Variants in PTPN13 observed in about 807,000 individuals in gnomAD.
PTPN13 encodes protein tyrosine phosphatase non-receptor type 13, also known as tyrosine-protein phosphatase non-receptor type 13.
In PTPN13, 191 loss-of-function variants were observed where a neutral mutation model predicts 284.0. The ratio of observed to expected loss-of-function variants is 0.67; its 90% CI spans 0.60 to 0.76. The LOEUF (loss-of-function observed/expected upper bound fraction) is 0.76, where lower values mean the gene tolerates loss of function less well. Ranked by LOEUF, PTPN13 falls within the 30% of genes least tolerant of loss-of-function variation. The pLI is 0.00. For missense variants in PTPN13, 2,797 were observed against 2,939.9 expected (o/e 0.95, Z 1.12); for synonymous variants, 986 against 1,022.3 (o/e 0.96, Z 0.68).
intron 4 of PTPN13, among the ~76,000 whole-genome samples, chr4:86,687,224 CAT>C (rs1729551056): frequency 6.6e-6 from 1 of 152,128 alleles, no homozygotes; most frequent in South Asian, 2.1e-4. Context: ...TAGAGAATGT[CAT>C]AGCTTTTTCT....
intron 2 of PTPN13, among the ~76,000 whole-genome samples, chr4:86,656,598 A>C (rs1221493391): frequency 6.6e-6 from 1 of 152,158 alleles, no homozygotes; most frequent in East Asian, 1.9e-4. Flanking sequence ...TTTGTCTGAG[A>C]GGAGTACCCG....
intron 1 of PTPN13, among the ~76,000 whole-genome samples, chr4:86,611,887 C>A (rs1719927154): frequency 6.6e-6 from 1 of 152,108 alleles, no homozygotes; most frequent in Non-Finnish European, 1.5e-5. Flanking sequence ...CAGGAAAGGA[C>A]CAGAGGCCTG....
At chr4:86,762,482 G>A (rs1364327222) in intron 23 of PTPN13, among the ~76,000 whole-genome samples, 1 of 152,184 alleles carries the variant, frequency 6.6e-6, no homozygotes, top group Non-Finnish European at 1.5e-5. Flanking sequence ...GAGAAGCCTG[G>A]TTTGAAATGG....
intron 23 of PTPN13, among the ~76,000 whole-genome samples, chr4:86,761,215 C>T (rs1432469437): frequency 6.8e-6 from 1 of 147,184 alleles, no homozygotes; most frequent in African/African-American, 2.5e-5. Flanking sequence ...CTGTTTTATA[C>T]TCTAAATACC....
intron 2 of PTPN13, among the ~76,000 whole-genome samples, chr4:86,659,908 A>T (rs968276937): frequency 9.9e-5 from 15 of 152,162 alleles, no homozygotes; most frequent in Non-Finnish European, 2.1e-4. Flanking sequence ...GAATGTACAG[A>T]TAGAATTTGA....
chr4:86,785,743 A>G (rs1352842952), intron 39 of PTPN13, 105 bp from the exon 40 acceptor site: 2 of 546,526 alleles, frequency 3.7e-6, no homozygotes, highest in Non-Finnish European at 6.1e-6. Context: ...GAAACTATTT[A>G]TGGATATTGG....
chr4:86,656,635 A>G (rs923214886), intron 2 of PTPN13, among the ~76,000 whole-genome samples: 2 of 152,074 alleles, frequency 1.3e-5, no homozygotes, highest in African/African-American at 2.4e-5. Context: ...GTCTGCCCCT[A>G]CTGGAGGGTG....
intron 1 of PTPN13, among the ~76,000 whole-genome samples, chr4:86,627,387 C>T (rs1336124525): frequency 1.3e-5 from 2 of 151,994 alleles, no homozygotes; most frequent in East Asian, 3.8e-4. Context: ...ATTATTATTT[C>T]TTAAAAAGCA....
At chr4:86,652,217 A>G (rs887459020) in intron 2 of PTPN13, among the ~76,000 whole-genome samples, 11 of 152,012 alleles carry the variant, frequency 7.2e-5, no homozygotes, top group African/African-American at 2.2e-4. Flanking sequence ...TTGGTTTGCT[A>G]TTGCTTTCTC....
intron 1 of PTPN13, among the ~76,000 whole-genome samples, chr4:86,596,118 A>T (rs1763756602): frequency 6.6e-6 from 1 of 152,172 alleles, no homozygotes; most frequent in Non-Finnish European, 1.5e-5. Context: ...ATTGTGTTCT[A>T]CTTGATGTTC....
chr4:86,783,393 T>C (rs533431284), intron 37 of PTPN13, among the ~76,000 whole-genome samples: 1 of 152,248 alleles, frequency 6.6e-6, no homozygotes, highest in South Asian at 2.1e-4. Flanking sequence ...ATATTCACAC[T>C]GTATAGTGCT....
At chr4:86,735,540 G>A (rs1480544074) in intron 14 of PTPN13, 54 bp from the exon 15 acceptor site, 2 of 1,576,708 alleles carry the variant, frequency 1.3e-6, no homozygotes, top group South Asian at 1.2e-5. Context: ...GAAGGAAAAG[G>A]GTTTACTCCA....
rs1316700537 is a variant in PTPN13, at chr4:86,722,380, G to A, written c.1554G>A (p.Arg518=). 4 of 1,613,364 alleles carry A rather than the reference G, an allele frequency of 2.5e-6. No individual in the cohort carries two copies. Among genetic ancestry groups the A allele is most frequent in the Non-Finnish European group, 3.4e-6 (4 of 1,179,688 alleles). Reference sequence around the variant, plus strand: ...AAGCGTCCATGCTTGACATCACCAGGGATCCGTTAAGAGAAATTGCCCTAG... The same window carrying A: ...AAGCGTCCATGCTTGACATCACCAGAGATCCGTTAAGAGAAATTGCCCTAG... The part of the protein sequence containing the change: ...TIKASMLDIT[R]DPLREIALET... The change falls in exon 10 of 48, where the codon AGG becomes AGA. Residue 518 remains arginine, a synonymous_variant. Transcript: ENST00000411767.
At chr4:86,622,980 A>G (rs946675028) in intron 1 of PTPN13, among the ~76,000 whole-genome samples, 2 of 152,112 alleles carry the variant, frequency 1.3e-5, no homozygotes, top group African/African-American at 4.8e-5. Flanking sequence ...CCTCCTGCCA[A>G]TTTCTTAGGG....
intron 20 of PTPN13, among the ~76,000 whole-genome samples, chr4:86,753,624 G>A (rs1349925877): frequency 1.3e-5 from 2 of 152,042 alleles, no homozygotes; most frequent in Non-Finnish European, 2.9e-5. Context: ...TTATAGTTTA[G>A]AAGGAATCTA....
At position 86,636,906 on chromosome 4, in the gene PTPN13, G is replaced by C. The variant is rs569151642; in HGVS notation, c.115+1535G>C. Among the ~76,000 whole-genome samples, 3 of 151,682 alleles carry C rather than the reference G, an allele frequency of 2.0e-5. No individual in the cohort carries two copies. The South Asian group carries it at 6.3e-4, about 32-fold the overall frequency. ...AATCCAGGAGCTGGTTTTTTGAAAG[G>C]ATCAACAAAATTGATAGACCGCTAG... On this transcript the variant is annotated intron_variant, in intron 2 of 47. Coordinates refer to ENST00000411767, the MANE Select transcript of PTPN13 (RefSeq NM_080683.3).
Position 86,667,420 on chromosome 4 carries a change from A to G in PTPN13, c.116-4945A>G, listed in dbSNP as rs762745111. 2.6e-5 allele frequency among the ~76,000 whole-genome samples: 4 copies of G among 152,178 alleles called. No homozygotes were observed. The South Asian group carries it at 8.3e-4, about 32-fold the overall frequency. ...AGAGAAACAAGTTTTTTTTTTAAGTAGTAACAAAACTTTTGAGGAATTAAT... is the reference window on the plus strand; with the variant it reads ...AGAGAAACAAGTTTTTTTTTTAAGTGGTAACAAAACTTTTGAGGAATTAAT... On this transcript the variant is annotated intron_variant, in intron 2 of 47. Coordinates refer to ENST00000411767, the MANE Select transcript of PTPN13 (RefSeq NM_080683.3).
At chr4:86,757,197 T>A (rs1738083299) in intron 20 of PTPN13, among the ~76,000 whole-genome samples, 3 of 152,308 alleles carry the variant, frequency 2.0e-5, no homozygotes, top group African/African-American at 7.2e-5. Flanking sequence ...TTAAAAAACC[T>A]AGTGGAAATA....
chr4:86,806,205 T>A (rs1295958883), intron 44 of PTPN13, among the ~76,000 whole-genome samples: 1 of 151,644 alleles, frequency 6.6e-6, no homozygotes, highest in East Asian at 1.9e-4. Flanking sequence ...TTTACATGTA[T>A]AAAAATCACA....
Sources: allele counts gnomAD v4.1 joint callset (sites outside exome capture counted in the v4.1 genomes callset), GRCh38; gene constraint gnomAD v4.1.1; transcripts MANE v1.5; gene names NCBI Gene and HGNC (gene_info 2026-07-23, HGNC 2026-07-21).